TCF7: variants seen among roughly 807,000 people sequenced by gnomAD.
TCF7 encodes T-cell-factor-7.
In TCF7, 19 loss-of-function variants were observed where a neutral mutation model predicts 46.8. That is an observed-to-expected ratio of 0.41 (90% confidence interval 0.28 to 0.60). The LOEUF is 0.60. Among genes scored for constraint, TCF7 ranks in the 20% least tolerant of loss-of-function variants. The probability of loss-of-function intolerance (pLI) is 0.35; values close to 1 mark genes in which losing one functional copy is unlikely to be tolerated. For synonymous variants in TCF7, 245 were observed against 213.4 expected (o/e 1.15, Z -1.29); for missense variants, 547 against 504.6 (o/e 1.08, Z -0.81).
rs115594742 is a variant in TCF7 at position 134,126,966 on chromosome 5, G to A, written c.441+10933G>A. 1.4e-3 allele frequency among the ~76,000 whole-genome samples: 215 copies of A among 152,072 alleles called. 1 individual carries two copies. The highest frequency in any genetic ancestry group is 2.3e-3 in the Non-Finnish European group (157 of 67,964). On this transcript the variant is annotated intron_variant, in intron 3 of 9. Transcript: ENST00000342854. Reference sequence around the variant, plus strand: ...TTGTGGCCTCCCTTTTTGCAGATGGGGAAACTGAGGCTCAGAGAGGATAAG... The same window carrying A: ...TTGTGGCCTCCCTTTTTGCAGATGGAGAAACTGAGGCTCAGAGAGGATAAG...
At chr5:134,135,497 G>T (rs937442298) in intron 3 of TCF7, among the ~76,000 whole-genome samples, 1 of 152,182 alleles carries the variant, frequency 6.6e-6, no homozygotes, top group African/African-American at 2.4e-5. Context: ...CATTTTGAAG[G>T]TAGAGCATTA....
Position 134,143,614 on chromosome 5 carries a change from G to T in TCF7, c.1049G>T (p.Arg350Met). 1 of 1,614,080 alleles carries T rather than the reference G, an allele frequency of 6.2e-7. No individual in the cohort carries two copies. Among genetic ancestry groups the T allele is most frequent in the Non-Finnish European group, 8.5e-7 (1 of 1,180,012 alleles). The stretch of plus-strand genomic sequence containing the variant: ...CAGGGGAAGAAGAAGAGGCGGTCGA[G>T]GGAAAAGCACCAAGAATCCACCACA... ...DNYGKKKRRS[R>M]EKHQESTTGG... The change falls in exon 9 of 10, where the codon AGG (arginine) becomes ATG (methionine). Residue 350 changes from arginine to methionine, a missense_variant. By Grantham distance (91) the Arg-to-Met change is moderately conservative (BLOSUM62 -1). Around this residue, in one of 3 missense-constraint regions of TCF7, gnomAD observed 90 missense variants for 88.8 expected, o/e 1.01. Transcript: ENST00000342854.
intron 3 of TCF7, among the ~76,000 whole-genome samples, chr5:134,128,799 C>T (rs1053017443): frequency 3.3e-5 from 5 of 152,102 alleles, no homozygotes; most frequent in African/African-American, 1.2e-4. Context: ...GCTGTCCCAC[C>T]CCTCCTCACA....
chr5:134,125,087 C>T (rs1006357340), intron 3 of TCF7, among the ~76,000 whole-genome samples: 2 of 152,160 alleles, frequency 1.3e-5, no homozygotes, highest in Non-Finnish European at 2.9e-5. Context: ...CCGGGGTTTG[C>T]TGGGCAGCTC....
chr5:134,136,983 G>A (rs1030458412), intron 3 of TCF7, among the ~76,000 whole-genome samples: 2 of 152,236 alleles, frequency 1.3e-5, no homozygotes, highest in African/African-American at 2.4e-5. Context: ...TGTCTCCAGG[G>A]CCCTGACCCG....
At chr5:134,143,786 C>T in intron 9 of TCF7, 146 bp downstream of exon 9, 1 of 831,980 alleles carries the variant, frequency 1.2e-6, no homozygotes. Context: ...CTGCATCTCA[C>T]AAGTCAAATT....
At chr5:134,140,350 T>TCTA (rs1759549262) in intron 5 of TCF7, among the ~76,000 whole-genome samples, 1 of 152,218 alleles carries the variant, frequency 6.6e-6, no homozygotes, top group African/African-American at 2.4e-5. Context: ...AGTTAGGGAC[T>TCTA]GTAGGAGCCC....
In TCF7 at chr5:134,114,880, C is replaced by T. The variant is rs1755581818; in HGVS notation, c.-27C>T. 5 of 987,966 alleles carry T rather than the reference C, an allele frequency of 5.1e-6. No homozygotes were observed. The highest frequency in any genetic ancestry group is 4.6e-5 in the South Asian group (1 of 21,822). 61.2% of individuals were successfully genotyped at this position (987,966 alleles called of 1,614,324 possible). A position where few individuals can be genotyped will look rare whatever the true frequency, so the allele number is the denominator to read the frequency against. On this transcript the variant is annotated 5_prime_UTR_variant, in exon 1 of 10. Coordinates refer to ENST00000342854, the MANE Select transcript of TCF7 (RefSeq NM_003202.5). ...GCCCCGCACTCCCGGCGCCCAGCGCCCCGCGCCCCGGCGGGCGGAGCGCAC... is the reference window on the plus strand; with the variant it reads ...GCCCCGCACTCCCGGCGCCCAGCGCTCCGCGCCCCGGCGGGCGGAGCGCAC...
chr5:134,131,756 C>A (rs925418668), intron 3 of TCF7, among the ~76,000 whole-genome samples: 1 of 152,262 alleles, frequency 6.6e-6, no homozygotes, highest in African/African-American at 2.4e-5. Context: ...CCAAGCCAGG[C>A]CACAGGCCTT....
chr5:134,143,663 G>A, intron 9 of TCF7, 23 bp downstream of exon 9: 1 of 1,613,488 alleles, frequency 6.2e-7, no homozygotes, highest in African/African-American at 1.3e-5. Flanking sequence ...CTCAGCAGCA[G>A]TGGAGGCTCC....
chr5:134,143,471 C>T, intron 8 of TCF7, 121 bp from the exon 9 acceptor site: 1 of 1,201,550 alleles, frequency 8.3e-7, no homozygotes, highest in Non-Finnish European at 1.2e-6. Flanking sequence ...AACACCAGCA[C>T]CCCAAGGTAG....
intron 3 of TCF7, among the ~76,000 whole-genome samples, chr5:134,127,093 G>C (rs958923094): frequency 1.2e-4 from 19 of 152,186 alleles, no homozygotes; most frequent in African/African-American, 4.6e-4. Context: ...TACAATGTGT[G>C]GAGATGGGGG....
At chr5:134,131,423 C>T (rs561001598) in intron 3 of TCF7, among the ~76,000 whole-genome samples, 83 of 152,356 alleles carry the variant, frequency 5.4e-4, no homozygotes, top group Middle Eastern at 6.8e-3. Flanking sequence ...GCCCACCTTT[C>T]TGTCTGGTCA....
At chr5:134,131,904 A>T (rs950875570) in intron 3 of TCF7, among the ~76,000 whole-genome samples, 3 of 152,244 alleles carry the variant, frequency 2.0e-5, no homozygotes, top group Admixed American at 1.3e-4. Flanking sequence ...CGTGGTGAGC[A>T]GGGGACATGG....
chr5:134,117,766 A>C (rs763975294), intron 3 of TCF7, among the ~76,000 whole-genome samples: 41 of 152,248 alleles, frequency 2.7e-4, no homozygotes, highest in Non-Finnish European at 4.7e-4. Context: ...TTCTCAAGCT[A>C]CAGCAGATAC....
intron 1 of TCF7, 76 bp from the exon 2 acceptor site, chr5:134,115,245 G>C (rs1755635166): frequency 2.1e-6 from 3 of 1,397,070 alleles, no homozygotes; most frequent in Non-Finnish European, 2.8e-6. Flanking sequence ...CCAGCGCGCA[G>C]AGCGTCCCTG....
chr5:134,140,306 C>T (rs1301494991), intron 5 of TCF7, among the ~76,000 whole-genome samples: 1 of 152,218 alleles, frequency 6.6e-6, no homozygotes, highest in Non-Finnish European at 1.5e-5. Context: ...AGGCAAAAAA[C>T]CAGACAGTTA....
chr5:134,143,271 C>T (rs1406128865), intron 8 of TCF7, 171 bp downstream of exon 8: 2 of 765,068 alleles, frequency 2.6e-6, no homozygotes, highest in African/African-American at 1.7e-5. Context: ...GACAAGCCCA[C>T]ATCCTATTCT....
chr5:134,143,780 A>G (rs1469475741), intron 9 of TCF7, 140 bp downstream of exon 9: 8 of 879,806 alleles, frequency 9.1e-6, no homozygotes, highest in East Asian at 2.7e-5. Context: ...CAAGGCCTGC[A>G]TCTCACAAGT....
Sources: allele counts gnomAD v4.1 joint callset (sites outside exome capture counted in the v4.1 genomes callset), GRCh38; gene constraint gnomAD v4.1.1; regional missense constraint gnomAD v4.1.1; transcripts MANE v1.5; gene names NCBI Gene and HGNC (gene_info 2026-07-23, HGNC 2026-07-21).